The following CCDC102B variants were observed in gnomAD, a reference collection of about 807,000 sequenced individuals.
CCDC102B encodes the protein coiled-coil domain containing 102B.
A neutral mutation model predicts 57.4 loss-of-function variants in CCDC102B; 75 were observed. The ratio of observed to expected loss-of-function variants is 1.31; its 90% CI spans 1.08 to 1.58. The LOEUF (loss-of-function observed/expected upper bound fraction) is 1.58, where lower values mean the gene tolerates loss of function less well. CCDC102B is among the 40% of genes most tolerant of loss of function. CCDC102B has a pLI of 0.00. For synonymous variants in CCDC102B, 206 were observed against 201.9 expected, an observed-to-expected ratio of 1.02 and a Z score of -0.17; for missense variants, 636 against 582.6, an observed-to-expected ratio of 1.09 and a Z score of -0.94.
chr18:68,879,907 C>G (rs926857397), intron 5 of CCDC102B, among the ~76,000 whole-genome samples: 2 of 152,210 alleles, frequency 1.3e-5, no homozygotes, highest in Non-Finnish European at 2.9e-5. Flanking sequence ...ACGTCCCCAC[C>G]AGACTCAGGA....
intron 4 of CCDC102B, among the ~76,000 whole-genome samples, chr18:68,852,584 A>G (rs1166248319): frequency 1.3e-5 from 2 of 152,158 alleles, no homozygotes; most frequent in South Asian, 2.1e-4. Flanking sequence ...TGGCAAATTC[A>G]AATTTTGCTT....
intron 2 of CCDC102B, among the ~76,000 whole-genome samples, chr18:68,724,862 T>C (rs1352303287): frequency 6.6e-6 from 1 of 152,218 alleles, no homozygotes; most frequent in East Asian, 1.9e-4. Flanking sequence ...GGTATCCTTA[T>C]AGCAGCACTC....
intron 6 of CCDC102B, among the ~76,000 whole-genome samples, chr18:68,929,041 A>G (rs1175391721): frequency 6.6e-6 from 1 of 151,936 alleles, no homozygotes; most frequent in Non-Finnish European, 1.5e-5. Flanking sequence ...TCAATGAGCT[A>G]TTGAGGATTT....
At chr18:68,748,379 G>C (rs1243354466) in intron 2 of CCDC102B, among the ~76,000 whole-genome samples, 2 of 151,978 alleles carry the variant, frequency 1.3e-5, no homozygotes, top group Admixed American at 1.3e-4. Flanking sequence ...GATGAGATTA[G>C]ACCTGAATAT....
chr18:68,737,190 G>T (rs1020308552), intron 2 of CCDC102B, among the ~76,000 whole-genome samples: 24 of 152,162 alleles, frequency 1.6e-4, no homozygotes, highest in African/African-American at 5.8e-4. Context: ...GGGCATGGGG[G>T]TAACATGTCT....
intron 2 of CCDC102B, among the ~76,000 whole-genome samples, chr18:68,735,105 G>T (rs185344226): frequency 5.9e-5 from 9 of 152,306 alleles, no homozygotes; most frequent in Non-Finnish European, 1.2e-4. Context: ...AGGCTGGAGT[G>T]CAGTGGTGCA....
At chr18:68,892,421 C>A (rs1045064410) in intron 5 of CCDC102B, among the ~76,000 whole-genome samples, 2 of 152,138 alleles carry the variant, frequency 1.3e-5, no homozygotes, top group African/African-American at 4.8e-5. Context: ...CTGCACCATC[C>A]CCATCTGACT....
chr18:69,021,057 G>A (rs1292429191), intron 7 of CCDC102B, among the ~76,000 whole-genome samples: 3 of 152,158 alleles, frequency 2.0e-5, no homozygotes, highest in African/African-American at 7.2e-5. Context: ...GCTAATTCTG[G>A]CTTCACATTT....
chr18:69,049,221 T>G (rs2052642983), intron 7 of CCDC102B, among the ~76,000 whole-genome samples: 1 of 152,054 alleles, frequency 6.6e-6, no homozygotes, highest in Non-Finnish European at 1.5e-5. Context: ...CCCTGCTGTG[T>G]GATGTTCCCC....
At chr18:68,812,779 A>G (rs1389808176) in intron 1 of CCDC102B, among the ~76,000 whole-genome samples, 1 of 152,172 alleles carries the variant, frequency 6.6e-6, no homozygotes, top group Non-Finnish European at 1.5e-5. Context: ...GTTGGAAGAA[A>G]CATTCCTTCT....
intron 6 of CCDC102B, among the ~76,000 whole-genome samples, chr18:68,964,455 A>G (rs1489317117): frequency 6.6e-6 from 1 of 150,550 alleles, no homozygotes; most frequent in Non-Finnish European, 1.5e-5. Flanking sequence ...TTTTTGCTGA[A>G]TTTCATGCTT....
rs549679632 is a variant in CCDC102B at position 68,994,864 on chromosome 18, T to C, written c.1264-16070T>C. On this transcript the variant is annotated intron_variant, in intron 6 of 7. Coordinates refer to ENST00000360242, the MANE Select transcript of CCDC102B (RefSeq NM_024781.3). ...TACTGCAGACAGTAGAGTGCTGCTA[T>C]AAAGATACCTGAAAATGTGGAAGGA... 3.3e-5 allele frequency among the ~76,000 whole-genome samples: 5 copies of C among 152,346 alleles called. No individual in the cohort carries two copies. The East Asian group carries it at 9.7e-4, about 29-fold the overall frequency.
chr18:68,775,916 T>C (rs2034798771), intron 2 of CCDC102B, among the ~76,000 whole-genome samples: 1 of 152,194 alleles, frequency 6.6e-6, no homozygotes, highest in South Asian at 2.1e-4. Flanking sequence ...CCTCCCCAAG[T>C]GCTGGGATTA....
chr18:68,786,549 T>G (rs2035219668), intron 2 of CCDC102B, among the ~76,000 whole-genome samples: 1 of 143,662 alleles, frequency 7.0e-6, no homozygotes, highest in African/African-American at 2.7e-5. Flanking sequence ...TCACATCCCT[T>G]GTAAGTTGGA....
chr18:68,897,223 AGAGATT>A lies in CCDC102B; in HGVS notation c.1060_1065del (p.Arg354_Leu355del). The A allele has an allele frequency of 6.2e-7, 1 of 1,611,452 alleles. No homozygotes were observed. ...CTTTGTGTTTTCTGTGTGTAGCTAG[AGAGATT>A]GCAAGCTGAAAATACCTCGGAGTGG... On this transcript the variant is annotated inframe_deletion, in exon 6 of 8. Transcript: ENST00000360242.
chr18:69,032,234 T>C (rs1447068677), intron 7 of CCDC102B, among the ~76,000 whole-genome samples: 2 of 152,180 alleles, frequency 1.3e-5, no homozygotes, highest in African/African-American at 4.8e-5. Context: ...TGTGCATTAA[T>C]TGTGCAAAGA....
At chr18:69,027,100 G>A (rs1190422959) in intron 7 of CCDC102B, among the ~76,000 whole-genome samples, 1 of 152,156 alleles carries the variant, frequency 6.6e-6, no homozygotes, top group Admixed American at 6.5e-5. Flanking sequence ...ACAGTTTAAA[G>A]CCATTCTGGC....
At chr18:68,862,741 C>T (rs192508317) in intron 4 of CCDC102B, among the ~76,000 whole-genome samples, 3 of 152,170 alleles carry the variant, frequency 2.0e-5, no homozygotes, top group Admixed American at 2.0e-4. Flanking sequence ...CTGGGCTACT[C>T]TCCAAGTATG....
intron 1 of CCDC102B, among the ~76,000 whole-genome samples, chr18:68,801,756 A>G (rs1308229066): frequency 5.9e-5 from 9 of 152,202 alleles, no homozygotes; most frequent in African/African-American, 2.2e-4. Context: ...AGTTGCATGA[A>G]GAAAAACCTG....
Sources: allele counts gnomAD v4.1 joint callset (sites outside exome capture counted in the v4.1 genomes callset), GRCh38; gene constraint gnomAD v4.1.1; transcripts MANE v1.5; gene names NCBI Gene and HGNC (gene_info 2026-07-23, HGNC 2026-07-21).